Variants in ZFHX3 observed in about 807,000 individuals in gnomAD.
ZFHX3 encodes the protein zinc finger homeobox protein 3.
In ZFHX3, 42 loss-of-function variants were observed where a neutral mutation model predicts 279.1. The ratio of observed to expected loss-of-function variants is 0.15; its 90% CI spans 0.12 to 0.19. The LOEUF (loss-of-function observed/expected upper bound fraction) is 0.19. Ranked by LOEUF, ZFHX3 falls within the 10% of genes least tolerant of loss-of-function variation. The pLI is 1.00. For missense variants in ZFHX3, 4,981 were observed against 4,754.0 expected (o/e 1.05, Z -1.40); for synonymous variants, 2,293 against 1,957.8 (o/e 1.17, Z -4.52).
At chr16:72,826,427 A>G (rs1000751200) in intron 5 of ZFHX3, among the ~76,000 whole-genome samples, 1 of 152,240 alleles carries the variant, frequency 6.6e-6, no homozygotes, top group Non-Finnish European at 1.5e-5. Flanking sequence ...ACTTGCCAGG[A>G]GGAAGCATTC....
chr16:73,638,613 T>C (rs890632639), intron 2 of ZFHX3, among the ~76,000 whole-genome samples: 3 of 152,172 alleles, frequency 2.0e-5, no homozygotes, highest in Admixed American at 6.5e-5. Flanking sequence ...TCAATAAACA[T>C]ATGCTAAACA....
chr16:73,198,847 C>T (rs1001920178), intron 5 of ZFHX3, among the ~76,000 whole-genome samples: 4 of 152,184 alleles, frequency 2.6e-5, no homozygotes, highest in Non-Finnish European at 2.9e-5. Flanking sequence ...CCCCAACCTA[C>T]TTGTTATATT....
intron 3 of ZFHX3, chr16:73,402,408 A>C (rs1393841145): frequency 6.6e-6 from 1 of 152,242 alleles, no homozygotes; most frequent in East Asian, 1.9e-4. Context: ...CCATGGCCTG[A>C]TACTTTTGTA....
chr16:73,610,732 A>G (rs1392556542), intron 2 of ZFHX3, among the ~76,000 whole-genome samples: 1 of 152,256 alleles, frequency 6.6e-6, no homozygotes, highest in Non-Finnish European at 1.5e-5. Context: ...AGGCTGGGAT[A>G]GAAAGGGATT....
At chr16:72,902,447 T>A (rs1201722363) in intron 3 of ZFHX3, among the ~76,000 whole-genome samples, 2 of 152,224 alleles carry the variant, frequency 1.3e-5, no homozygotes. Flanking sequence ...CTTCCTCGCA[T>A]GGCCCTGATA....
At chr16:73,084,137 T>C (rs1046069895) in intron 8 of ZFHX3, among the ~76,000 whole-genome samples, 4 of 152,212 alleles carry the variant, frequency 2.6e-5, no homozygotes, top group Non-Finnish European at 4.4e-5. Flanking sequence ...CCAATAGCAA[T>C]GATCTTAATA....
Position 73,200,705 on chromosome 16 carries a change from T to A in ZFHX3, c.-1104+56342A>T, listed in dbSNP as rs373678957. Among the ~76,000 whole-genome samples, 497 of 152,316 alleles carry A rather than the reference T, an allele frequency of 3.3e-3. 2 individuals are homozygous for A. Among genetic ancestry groups the A allele is most frequent in the Middle Eastern group, 0.02 (6 of 294 alleles). On this transcript the variant is annotated intron_variant, in intron 5 of 17. Coordinates refer to the ZFHX3 transcript ENST00000641206. The stretch of plus-strand genomic sequence containing the variant: ...ATTCACAAATCACAGACTTTTTTTT[T>A]AAGCTTAAAGTGAATTTAGAAAGCA...
chr16:73,550,741 CA>C (rs2143769689), intron 2 of ZFHX3, among the ~76,000 whole-genome samples: 1 of 152,244 alleles, frequency 6.6e-6, no homozygotes, highest in East Asian at 1.9e-4. Flanking sequence ...TGGCAAAGAA[CA>C]AAAAGAATTC....
At chr16:73,347,131 C>A (rs2016138765) in intron 3 of ZFHX3, among the ~76,000 whole-genome samples, 1 of 152,206 alleles carries the variant, frequency 6.6e-6, no homozygotes, top group Admixed American at 6.5e-5. Flanking sequence ...AATATTTGCT[C>A]CTTCAAATGA....
rs188416198 is a variant in ZFHX3 at position 73,026,348 on chromosome 16, G to T, written c.-50+21404C>A. Among the ~76,000 whole-genome samples the T allele has an allele frequency of 5.3e-5, 8 of 150,522 alleles. No individual in the cohort carries two copies. In the East Asian group the frequency reaches 1.2e-3, roughly 22 times the overall value. On this transcript the variant is annotated intron_variant, in intron 1 of 9. Transcript: ENST00000268489. ...AGATCACACCACTGCACTCCAGGCT[G>T]GGGGGCAGAGCAAGACTCTGTCTCA... is the stretch of plus-strand genomic sequence containing the variant.
At chr16:73,448,015 T>C (rs997957919) in intron 3 of ZFHX3, among the ~76,000 whole-genome samples, 1 of 152,184 alleles carries the variant, frequency 6.6e-6, no homozygotes, top group Admixed American at 6.5e-5. Context: ...ACATTCTTTA[T>C]CCACAAGCAG....
intron 2 of ZFHX3, among the ~76,000 whole-genome samples, chr16:73,545,996 C>T (rs2020102130): frequency 2.0e-5 from 3 of 152,074 alleles, no homozygotes; most frequent in Admixed American, 2.0e-4. Context: ...AAAAGAACAT[C>T]CCCAGAAACA....
exon 8 of ZFHX3, chr16:73,093,593 C>A (rs541886636): frequency 2.0e-6 from 1 of 511,672 alleles, no homozygotes; most frequent in South Asian, 1.4e-5. Flanking sequence ...GCTAACCGGT[C>A]GTCTCCTGCA....
intron 5 of ZFHX3, among the ~76,000 whole-genome samples, chr16:72,812,454 G>C (rs1053657127): frequency 1.3e-5 from 2 of 152,206 alleles, no homozygotes; most frequent in Admixed American, 6.5e-5. Flanking sequence ...CTTCAGAAAT[G>C]TAAGAAGAGA....
At chr16:73,313,772 T>A (rs1172416906) in intron 4 of ZFHX3, among the ~76,000 whole-genome samples, 1 of 152,180 alleles carries the variant, frequency 6.6e-6, no homozygotes, top group Non-Finnish European at 1.5e-5. Flanking sequence ...TAATTTTATG[T>A]GTCAGCTTGG....
intron 8 of ZFHX3, among the ~76,000 whole-genome samples, chr16:72,799,039 A>G (rs886239463): frequency 3.3e-5 from 5 of 152,226 alleles, no homozygotes; most frequent in African/African-American, 1.2e-4. Flanking sequence ...AGAATCCTCA[A>G]TTTCTCAAGA....
At chr16:73,729,919 T>C (rs1373344910) in intron 1 of ZFHX3, among the ~76,000 whole-genome samples, 3 of 152,216 alleles carry the variant, frequency 2.0e-5, no homozygotes, top group African/African-American at 7.2e-5. Flanking sequence ...GTAAAAAATA[T>C]GTACAGCTAA....
chr16:73,263,970 C>A (rs937540770), intron 4 of ZFHX3, among the ~76,000 whole-genome samples: 3 of 152,154 alleles, frequency 2.0e-5, no homozygotes, highest in Non-Finnish European at 4.4e-5. Context: ...AGTTCAAGAC[C>A]AGCCTCACCA....
intron 7 of ZFHX3, among the ~76,000 whole-genome samples, chr16:73,122,083 C>A (rs1966505957): frequency 6.6e-6 from 1 of 152,168 alleles, no homozygotes; most frequent in South Asian, 2.1e-4. Context: ...TTCTCAGGGG[C>A]AGGAACCATA....
Sources: gnomAD v4.1 joint callset for allele counts (sites outside exome capture counted in the v4.1 genomes callset) on GRCh38, gnomAD v4.1.1 for gene constraint, MANE v1.5 for transcripts, NCBI Gene and HGNC (gene_info 2026-07-23, HGNC 2026-07-21) for gene names.